The following MCL1 variants were observed in gnomAD, a reference collection of about 807,000 sequenced individuals.
MCL1 encodes the protein induced myeloid leukemia cell differentiation protein Mcl-1.
MCL1 carries 4 observed loss-of-function variants against 24.2 expected under a neutral mutation model. The observed-to-expected ratio is 0.17, with a 90% CI of 0.08 to 0.38. The LOEUF (loss-of-function observed/expected upper bound fraction) is 0.38, where lower values mean the gene tolerates loss of function less well. Among genes scored for constraint, MCL1 ranks in the 10% least tolerant of loss-of-function variants. MCL1 has a pLI of 1.00. For synonymous variants in MCL1, 248 were observed against 214.0 expected (o/e 1.16, Z -1.39); for missense variants, 529 against 480.3 (o/e 1.10, Z -0.95).
Position 150,578,631 on chromosome 1 carries a change from C to G in MCL1, c.689-140G>C. The G allele has an allele frequency of 2.6e-6, 3 of 1,138,288 alleles. No homozygotes were observed. The South Asian group carries it at 4.6e-5, about 17-fold the overall frequency. The allele number at this position is 1,138,288 out of a possible 1,614,324, so 70.5% of individuals were successfully genotyped here. ...ACCCCACTTGAAATTGACATCCCAC[C>G]CTTTCCGGTCTTTGAACAAGAGCTG... On this transcript the variant is annotated intron_variant, in intron 1 of 2. Transcript: ENST00000369026.
intron 1 of MCL1, 67 bp from the exon 2 acceptor site, chr1:150,578,558 C>G (rs1647916509): frequency 6.3e-6 from 10 of 1,579,508 alleles, no homozygotes; most frequent in Non-Finnish European, 8.6e-6. Flanking sequence ...ATTCGCCTGC[C>G]CACCCGCGGC....
At position 150,576,436 on chromosome 1, in the gene MCL1, A is replaced by G. The variant is rs200885702; in HGVS notation, c.*939T>C. ...CCTAAGGAATACTTACCAAAATCAG[A>G]TAAGAAAATTTAAACCTGCATAGTT... On this transcript the variant is annotated 3_prime_UTR_variant, in exon 3 of 3. Coordinates refer to ENST00000369026, the MANE Select transcript of MCL1 (RefSeq NM_021960.5). 3.0e-5 allele frequency: 7 copies of G among 232,172 alleles called. No homozygotes were observed. The highest frequency in any genetic ancestry group is 1.8e-4 in the South Asian group (1 of 5,516). 14.4% of individuals were successfully genotyped at this position (232,172 alleles called of 1,614,324 possible).
chr1:150,574,581 T>C lies in MCL1; in HGVS notation c.*2794A>G, dbSNP rs746333411. On this transcript the variant is annotated 3_prime_UTR_variant, in exon 3 of 3. Transcript: ENST00000369026. The stretch of plus-strand genomic sequence containing the variant: ...TATTTGAATAAAAGATTTATTTTTT[T>C]TTCTCAGGAAAAACAGAAAGTTAGG... 10 of 229,442 alleles carry C rather than the reference T, an allele frequency of 4.4e-5. No individual in the cohort carries two copies. The highest frequency in any genetic ancestry group is 6.9e-5 in the Non-Finnish European group (8 of 115,520). 14.2% of individuals were successfully genotyped at this position (229,442 alleles called of 1,614,324 possible).
intron 1 of MCL1, 53 bp from the exon 2 acceptor site, chr1:150,578,544 C>CT: frequency 6.3e-7 from 1 of 1,595,612 alleles, no homozygotes; most frequent in South Asian, 1.1e-5. Flanking sequence ...TAAACCGGCG[C>CT]AAGATTCGCC....
In MCL1 at chr1:150,574,886, C is replaced by G. The variant is rs1481532851; in HGVS notation, c.*2489G>C. The G allele has an allele frequency of 4.3e-6, 1 of 233,364 alleles. No individual in the cohort carries two copies. Among genetic ancestry groups the G allele is most frequent in the East Asian group, 6.0e-5 (1 of 16,588 alleles). The allele number at this position is 233,364 out of a possible 1,614,324, so 14.5% of individuals were successfully genotyped here. On this transcript the variant is annotated 3_prime_UTR_variant, in exon 3 of 3. Transcript: ENST00000369026. ...CGTAGCCAGTCAGCACTTAGACCAC[C>G]TGCCTCCTCCTCCCCCTATAAACCC...
Position 150,578,463 on chromosome 1 carries a change from G to A in MCL1, c.717C>T (p.Asn239=), listed in dbSNP as rs1487005585. The change falls in exon 2 of 3, where the codon AAC becomes AAT. Residue 239 remains asparagine, a synonymous_variant. Coordinates refer to ENST00000369026, the MANE Select transcript of MCL1 (RefSeq NM_021960.5). ...QGMLRKLDIK[N]EDDVKSLSRV... is the part of the protein sequence containing the mutation. ...GAGACAACGATTTCACATCGTCTTC[G>A]TTTTTGATGTCCAGTTTCCGAAGCA... 1 of 1,614,164 alleles carries A rather than the reference G, an allele frequency of 6.2e-7. No homozygotes were observed. Among genetic ancestry groups the A allele is most frequent in the African/African-American group, 1.3e-5 (1 of 75,040 alleles).
At position 150,577,305 on chromosome 1, in the gene MCL1, C is replaced by G; in HGVS notation, c.*70G>C. On this transcript the variant is annotated 3_prime_UTR_variant, in exon 3 of 3. Coordinates refer to ENST00000369026, the MANE Select transcript of MCL1 (RefSeq NM_021960.5). ...ACTCTAGGAAGTTACAGCTTGGAGT[C>G]CAACTGCATAAACTGGTTTTGGTGG... The G allele has an allele frequency of 2.5e-6, 4 of 1,574,774 alleles. No individual in the cohort carries two copies. The highest frequency in any genetic ancestry group is 3.4e-6 in the Non-Finnish European group (4 of 1,161,022).
At position 150,578,825 on chromosome 1, in the gene MCL1, A is replaced by G. The variant is rs367761067; in HGVS notation, c.688+18T>C. ...GAAAAAAGGGAGTGAGGCCTTGGCG[A>G]TTAATGAACCCCCTTACCTTGGAAG... On this transcript the variant is annotated intron_variant, in intron 1 of 2. Transcript: ENST00000369026. 1.1e-5 allele frequency: 18 copies of G among 1,597,886 alleles called. No individual in the cohort carries two copies. In the African/African-American group the frequency reaches 2.3e-4, roughly 20 times the overall value.
At position 150,578,373 on chromosome 1, in the gene MCL1, A is replaced by G. The variant is rs1647906123; in HGVS notation, c.807T>C (p.Ser269=). The change falls in exon 2 of 3, where the codon TCT becomes TCC. Residue 269 remains serine (S), a synonymous_variant. Coordinates refer to ENST00000369026, the MANE Select transcript of MCL1 (RefSeq NM_021960.5). ...TNWGRIVTLI[S]FGAFVAKHLK... is the part of the protein sequence containing the mutation. ...AGTGTTTAGCCACAAAGGCACCAAAAGAAATGAGAGTCACAATCCTGCCCC... is the reference window on the plus strand; with the variant it reads ...AGTGTTTAGCCACAAAGGCACCAAAGGAAATGAGAGTCACAATCCTGCCCC... The G allele has an allele frequency of 6.2e-7, 1 of 1,614,146 alleles. No homozygotes were observed. The highest frequency in any genetic ancestry group is 1.1e-5 in the South Asian group (1 of 91,092).
chr1:150,577,640 A>G, intron 2 of MCL1, 149 bp from the exon 3 acceptor site: 2 of 818,082 alleles, frequency 2.4e-6, no homozygotes, highest in Non-Finnish European at 3.6e-6. Context: ...GGGCAAAAAA[A>G]GAAAATAAGT....
In MCL1 at chr1:150,576,456, A is replaced by C. The variant is rs941144676; in HGVS notation, c.*919T>G. On this transcript the variant is annotated 3_prime_UTR_variant, in exon 3 of 3. Transcript: ENST00000369026. ...ATCAGATAAGAAAATTTAAACCTGC[A>C]TAGTTATCAGATTTGTTCCACTACA... is the stretch of plus-strand genomic sequence containing the variant. 34 of 232,392 alleles carry C rather than the reference A, an allele frequency of 1.5e-4. 1 individual carries two copies. The highest frequency in any genetic ancestry group is 2.7e-4 in the Non-Finnish European group (32 of 117,380). 14.4% of individuals were successfully genotyped at this position (232,392 alleles called of 1,614,324 possible). A position where few individuals can be genotyped will look rare whatever the true frequency, so the allele number is the denominator to read the frequency against.
At chr1:150,577,642 A>G in intron 2 of MCL1, 151 bp from the exon 3 acceptor site, 1 of 805,422 alleles carries the variant, frequency 1.2e-6, no homozygotes, top group Non-Finnish European at 1.8e-6. Context: ...GCAAAAAAAG[A>G]AAATAAGTTC....
In MCL1 at chr1:150,579,194, C is replaced by A. The variant is rs1324147236; in HGVS notation, c.337G>T (p.Ala113Ser). 4.4e-6 allele frequency: 7 copies of A among 1,601,922 alleles called. No homozygotes were observed. Among genetic ancestry groups the A allele is most frequent in the Middle Eastern group, 1.7e-4 (1 of 6,040 alleles). The part of the protein sequence containing the change: ...RRAAPLEEME[A>S]PAADAIMSPE... ...GACATGATGGCGTCAGCGGCCGGGG[C>A]TTCCATCTCCTCAAGCGGCGCCGCG... Residue 113 changes from alanine to serine, a missense_variant, in exon 1 of 3, where the codon GCC becomes TCC. By Grantham distance (99) the Ala-to-Ser change is moderately conservative. Coordinates refer to ENST00000369026, the MANE Select transcript of MCL1 (RefSeq NM_021960.5).
Position 150,577,224 on chromosome 1 carries a change from CTT to C in MCL1, c.*149_*150del. On this transcript the variant is annotated 3_prime_UTR_variant, in exon 3 of 3. Transcript: ENST00000369026. Reference sequence around the variant, plus strand: ...GGAGCACTCTTCCCATGTATTTATTCTTGTTAGCCATAATCCTCTTGCCACTT... The same window carrying C: ...GGAGCACTCTTCCCATGTATTTATTCGTTAGCCATAATCCTCTTGCCACTT... The C allele has an allele frequency of 1.1e-6, 1 of 938,096 alleles. No homozygotes were observed. The highest frequency in any genetic ancestry group is 1.7e-5 in the African/African-American group (1 of 60,242). The allele number at this position is 938,096 out of a possible 1,614,324, so 58.1% of individuals were successfully genotyped here.
Position 150,579,586 on chromosome 1 carries a change from C to T in MCL1, c.-56G>A. ...AACTGGGGAAGACCCCGACTCCTTA[C>T]TGGAAGGAAGCGGAAGTGAGAAGTG... On this transcript the variant is annotated 5_prime_UTR_variant, in exon 1 of 3. Coordinates refer to ENST00000369026, the MANE Select transcript of MCL1 (RefSeq NM_021960.5). 5.2e-6 allele frequency: 8 copies of T among 1,534,962 alleles called. No individual in the cohort carries two copies. The highest frequency in any genetic ancestry group is 7.0e-6 in the Non-Finnish European group (8 of 1,135,374).
At position 150,579,137 on chromosome 1, in the gene MCL1, C is replaced by T. The variant is rs2101699055; in HGVS notation, c.394G>A (p.Glu132Lys). The change falls in exon 1 of 3, where the codon GAG becomes AAG. Residue 132 changes from glutamate to lysine, a missense_variant. Glu to Lys is a moderately conservative substitution (Grantham distance 56). Transcript: ENST00000369026. ...PEEELDGYEP[E>K]PLGKRPAVLP... ...ACAGCCGGCCGCTTCCCGAGAGGCT[C>T]CGGCTCGTACCCGTCCAGCTCCTCT... The T allele has an allele frequency of 6.2e-7, 1 of 1,612,356 alleles. No homozygotes were observed. The highest frequency in any genetic ancestry group is 8.5e-7 in the Non-Finnish European group (1 of 1,180,006).
Position 150,577,766 on chromosome 1 carries a change from G to C in MCL1, c.937-275C>G, listed in dbSNP as rs114044068. ...CTTCCAGAGTTCCCATGAGGTAAAA[G>C]ACGAAAACCCTTATTCTCAAATCTC... On this transcript the variant is annotated intron_variant, in intron 2 of 2. Transcript: ENST00000369026. 8.3e-3 allele frequency among the ~76,000 whole-genome samples: 1,269 copies of C among 152,256 alleles called. 23 individuals are homozygous for C. Among genetic ancestry groups the C allele is most frequent in the African/African-American group, 0.03 (1,226 of 41,532 alleles).
Position 150,577,200 on chromosome 1 carries a change from G to C in MCL1, c.*175C>G. 1.4e-6 allele frequency: 1 copy of C among 713,524 alleles called. No individual in the cohort carries two copies. Among genetic ancestry groups the C allele is most frequent in the South Asian group, 2.2e-5 (1 of 44,534 alleles). The allele number at this position is 713,524 out of a possible 1,614,324, so 44.2% of individuals were successfully genotyped here. On this transcript the variant is annotated 3_prime_UTR_variant, in exon 3 of 3. Coordinates refer to ENST00000369026, the MANE Select transcript of MCL1 (RefSeq NM_021960.5). ...AGACAGTGACTCTTCAATCAATGGG[G>C]AGCACTCTTCCCATGTATTTATTCT...
intron 2 of MCL1, 61 bp downstream of exon 2, chr1:150,578,183 A>G (rs587718092): frequency 6.5e-7 from 1 of 1,549,852 alleles, no homozygotes; most frequent in South Asian, 1.2e-5. Context: ...CCACCTCTCT[A>G]AAAAAAATCC....
Sources: allele counts gnomAD v4.1 joint callset (sites outside exome capture counted in the v4.1 genomes callset), GRCh38; gene constraint gnomAD v4.1.1; transcripts MANE v1.5; gene names NCBI Gene and HGNC (gene_info 2026-07-23, HGNC 2026-07-21).